The following SH3TC2 variants were observed in gnomAD, a reference collection of about 807,000 sequenced individuals.
SH3TC2 encodes SH3 domain and tetratricopeptide repeat-containing protein 2.
A neutral mutation model predicts 124.5 loss-of-function variants in SH3TC2; 87 were observed. The ratio of observed to expected loss-of-function variants is 0.70; its 90% confidence interval spans 0.59 to 0.84. The LOEUF (loss-of-function observed/expected upper bound fraction) is 0.84, where lower values mean the gene tolerates loss of function less well. Among genes scored for constraint, SH3TC2 ranks in the 40% least tolerant of loss-of-function variants. SH3TC2 has a pLI of 0.00. For synonymous variants in SH3TC2, 634 were observed against 628.5 expected (o/e 1.01, Z -0.13); for missense variants, 1,536 against 1,566.4 (o/e 0.98, Z 0.33).
rs149597102 is a variant in SH3TC2, at chr5:149,036,288, G to A, written c.1001+2007C>T. Among the ~76,000 whole-genome samples, 110 of 152,270 alleles carry A rather than the reference G, an allele frequency of 7.2e-4. 1 individual carries two copies. Among genetic ancestry groups the A allele is most frequent in the Non-Finnish European group, 1.2e-3 (80 of 68,026 alleles). On this transcript the variant is annotated intron_variant, in intron 8 of 16. Transcript: ENST00000515425. The stretch of plus-strand genomic sequence containing the variant: ...CCATGTAGCTACTGTGCTTCCAGAA[G>A]ACCTACCAATGGCCAGTCCCAAAGG...
At position 148,989,736 on chromosome 5, in the gene SH3TC2, C is replaced by A. The variant is rs1356300677; in HGVS notation, c.*14975G>T. ...ACTGGAACCACTCATTCAAGGGGAT[C>A]TGGAGAGTGACCCAGGATAGAGTGA... On this transcript the variant is annotated 3_prime_UTR_variant, in exon 17 of 17. Transcript: ENST00000515425. 6.6e-6 allele frequency among the ~76,000 whole-genome samples: 1 copy of A among 152,172 alleles called. No homozygotes were observed. The highest frequency in any genetic ancestry group is 1.5e-5 in the Non-Finnish European group (1 of 68,030).
In SH3TC2 at chr5:148,982,168, A is replaced by G. The variant is rs1003223689; in HGVS notation, c.*22543T>C. On this transcript the variant is annotated 3_prime_UTR_variant, in exon 17 of 17. Coordinates refer to ENST00000515425, the MANE Select transcript of SH3TC2 (RefSeq NM_024577.4). ...AACAGGATTCCAGTATTTTTTTTTT[A>G]TTTCTGTAGTTTAAATTTTAAAACA... Among the ~76,000 whole-genome samples the G allele has an allele frequency of 7.0e-6, 1 of 143,512 alleles. No homozygotes were observed. The highest frequency in any genetic ancestry group is 1.6e-5 in the Non-Finnish European group (1 of 64,420). The allele number at this position is 143,512 out of a possible 152,430, so 94.1% of individuals were successfully genotyped here.
Position 148,998,639 on chromosome 5 carries a change from C to T in SH3TC2, c.*6072G>A. ...GTACTGGGAAGCCAAGCCAAGCAGC[C>T]CCACTGTGCAGTCCTGGCCACGCAA... On this transcript the variant is annotated 3_prime_UTR_variant, in exon 17 of 17. Transcript: ENST00000515425. 6.6e-6 allele frequency among the ~76,000 whole-genome samples: 1 copy of T among 152,224 alleles called. No homozygotes were observed. The highest frequency in any genetic ancestry group is 3.2e-3 in the Middle Eastern group (1 of 316).
rs138612743 is a variant in SH3TC2, at chr5:149,020,990, C to T, written c.3053+5582G>A. On this transcript the variant is annotated intron_variant, in intron 12 of 16. Coordinates refer to ENST00000515425, the MANE Select transcript of SH3TC2 (RefSeq NM_024577.4). Reference sequence around the variant, plus strand: ...AAACAACAACAGAATACACATTCTTCTCAAGTTTACATTGAACATCCTTCA... The same window carrying T: ...AAACAACAACAGAATACACATTCTTTTCAAGTTTACATTGAACATCCTTCA... Among the ~76,000 whole-genome samples the T allele has an allele frequency of 2.2e-4, 34 of 152,254 alleles. No individual in the cohort carries two copies. In the East Asian group the frequency reaches 6.6e-3, roughly 29 times the overall value.
At chr5:149,009,034 G>T (rs768877252) in intron 14 of SH3TC2, 33 bp from the exon 15 acceptor site, 4 of 1,613,842 alleles carry the variant, frequency 2.5e-6, no homozygotes, top group Non-Finnish European at 3.4e-6. Context: ...CCTTAGTCTA[G>T]CTAGGAATCC....
At position 149,003,627 on chromosome 5, in the gene SH3TC2, C is replaced by T. The variant is rs1224478930; in HGVS notation, c.*1084G>A. ...CCATGAGATTATAAGTGTTTTAGGC[C>T]ACTCAGTGTGCTATGCAGTGATGTT... On this transcript the variant is annotated 3_prime_UTR_variant, in exon 17 of 17. Transcript: ENST00000515425. 1 of 222,196 alleles carries T rather than the reference C, an allele frequency of 4.5e-6. No homozygotes were observed. Among genetic ancestry groups the T allele is most frequent in the Non-Finnish European group, 9.4e-6 (1 of 105,886 alleles). The allele number at this position is 222,196 out of a possible 1,614,324, so 13.8% of individuals were successfully genotyped here.
Position 149,003,935 on chromosome 5 carries a change from GAGAC to G in SH3TC2, c.*772_*775del, listed in dbSNP as rs1753639120. The G allele has an allele frequency of 3.5e-6, 1 of 288,602 alleles. No individual in the cohort carries two copies. The highest frequency in any genetic ancestry group is 4.3e-5 in the Admixed American group (1 of 23,492). 17.9% of individuals were successfully genotyped at this position (288,602 alleles called of 1,614,324 possible). On this transcript the variant is annotated 3_prime_UTR_variant, in exon 17 of 17. Transcript: ENST00000515425. ...CATCTCATCTGCCCCCATTGTGGAT[GAGAC>G]AAAATGTGTGTGTAAATGTAACTGG...
At position 148,992,292 on chromosome 5, in the gene SH3TC2, A is replaced by G. The variant is rs984092840; in HGVS notation, c.*12419T>C. 6.6e-6 allele frequency among the ~76,000 whole-genome samples: 1 copy of G among 152,240 alleles called. No individual in the cohort carries two copies. The highest frequency in any genetic ancestry group is 2.4e-5 in the African/African-American group (1 of 41,464). On this transcript the variant is annotated 3_prime_UTR_variant, in exon 17 of 17. Transcript: ENST00000515425. ...CATAATCCCAAGGTTTATGCTCTTA[A>G]CCATTCATAATATTAATGAAAACAC...
chr5:149,062,155 G>A (rs1754762942), intron 1 of SH3TC2, among the ~76,000 whole-genome samples: 1 of 152,076 alleles, frequency 6.6e-6, no homozygotes, highest in Admixed American at 6.5e-5. Flanking sequence ...ACAAGGGTTA[G>A]GAATGATTCC....
rs1483776790 is a variant in SH3TC2, at chr5:148,984,345, T to G, written c.*20366A>C. Among the ~76,000 whole-genome samples, 1 of 152,024 alleles carries G rather than the reference T, an allele frequency of 6.6e-6. No individual in the cohort carries two copies. Among genetic ancestry groups the G allele is most frequent in the Non-Finnish European group, 1.5e-5 (1 of 68,014 alleles). On this transcript the variant is annotated 3_prime_UTR_variant, in exon 17 of 17. Transcript: ENST00000515425. ...TCTATTGAATTTTTCAGTTTATTCA[T>G]TATACATTATAAATATATACAATTA...
rs138436082 is a variant in SH3TC2, at chr5:149,027,934, C to T, written c.1798G>A (p.Ala600Thr). 6.2e-7 allele frequency: 1 copy of T among 1,614,006 alleles called. No homozygotes were observed. The highest frequency in any genetic ancestry group is 1.3e-5 in the African/African-American group (1 of 74,958). The change falls in exon 11 of 17, where the codon GCC (alanine) becomes ACC (threonine). Residue 600 changes from alanine to threonine, a missense_variant. Ala to Thr is a moderately conservative substitution (Grantham distance 58). This residue lies in a region of SH3TC2 where 1,102 missense variants were observed against 1,098.6 expected (regional missense o/e 1.00). Transcript: ENST00000515425. The stretch of plus-strand genomic sequence containing the variant: ...CTAGACTCACGGTCAGGCAGGCAGG[C>T]CAGCAGGGCACCTGCCTTTTCCAAC... ...ALLEKAGALL[A>T]CLPDRESSAK...
At position 149,027,663 on chromosome 5, in the gene SH3TC2, AC is replaced by A; in HGVS notation, c.2068del (p.Val690TrpfsTer61). ...YDKKYLPHLA[V>X]ASVQQHGIQS... ...GATACCATGTTGCTGGACAGAGGCCACTGCAAGGTGTGGAAGATATTTCTTG... is the reference window on the plus strand; with the variant it reads ...GATACCATGTTGCTGGACAGAGGCCATGCAAGGTGTGGAAGATATTTCTTG... On this transcript the variant is annotated frameshift_variant, in exon 11 of 17. Coordinates refer to ENST00000515425, the MANE Select transcript of SH3TC2 (RefSeq NM_024577.4). LOFTEE classifies it high-confidence loss of function. The A allele has an allele frequency of 1.2e-6, 2 of 1,614,254 alleles. No individual in the cohort carries two copies. Among genetic ancestry groups the A allele is most frequent in the Non-Finnish European group, 1.7e-6 (2 of 1,180,032 alleles).
Position 149,026,644 on chromosome 5 carries a change from A to G in SH3TC2, c.2981T>C (p.Leu994Pro), listed in dbSNP as rs2127396874. Residue 994 changes from leucine (L) to proline (P), a missense_variant, in exon 12 of 17, where the codon CTC becomes CCC. Physicochemically the swap from Leu to Pro is moderately conservative, Grantham distance 98 (BLOSUM62 -3). Coordinates refer to ENST00000515425, the MANE Select transcript of SH3TC2 (RefSeq NM_024577.4). ...HEHWLALAQQ[L>P]RDREMEGRLL... Reference sequence around the variant, plus strand: ...CCTCCCTTCCATCTCCCGGTCCCTGAGTTGCTGAGCCAGGGCCAGCCAGTG... The same window carrying G: ...CCTCCCTTCCATCTCCCGGTCCCTGGGTTGCTGAGCCAGGGCCAGCCAGTG... 1 of 1,614,176 alleles carries G rather than the reference A, an allele frequency of 6.2e-7. No individual in the cohort carries two copies. The highest frequency in any genetic ancestry group is 8.5e-7 in the Non-Finnish European group (1 of 1,180,040).
Position 148,992,797 on chromosome 5 carries a change from C to T in SH3TC2, c.*11914G>A, listed in dbSNP as rs916294382. 5.9e-5 allele frequency among the ~76,000 whole-genome samples: 9 copies of T among 152,096 alleles called. No individual in the cohort carries two copies. Among genetic ancestry groups the T allele is most frequent in the African/African-American group, 1.9e-4 (8 of 41,418 alleles). On this transcript the variant is annotated 3_prime_UTR_variant, in exon 17 of 17. Coordinates refer to ENST00000515425, the MANE Select transcript of SH3TC2 (RefSeq NM_024577.4). ...TGCTCTTTAACTACATCACACTGAG[C>T]TAACTCATCCCTGCAACATGCACCA...
Position 148,984,430 on chromosome 5 carries a change from A to G in SH3TC2, c.*20281T>C. Among the ~76,000 whole-genome samples the G allele has an allele frequency of 6.6e-6, 1 of 152,114 alleles. No individual in the cohort carries two copies. Among genetic ancestry groups the G allele is most frequent in the East Asian group, 1.9e-4 (1 of 5,192 alleles). ...CAAATGCCATATAAATACCAACTCC[A>G]CTTGACTTATAGTGACTTCCTGAAG... On this transcript the variant is annotated 3_prime_UTR_variant, in exon 17 of 17. Coordinates refer to ENST00000515425, the MANE Select transcript of SH3TC2 (RefSeq NM_024577.4).
rs1019905533 is a variant in SH3TC2, at chr5:148,991,863, T to A, written c.*12848A>T. On this transcript the variant is annotated 3_prime_UTR_variant, in exon 17 of 17. Transcript: ENST00000515425. ...TCACATGGGACTTTATCCATGGAGG[T>A]GAGCCTCCTCTTGCACTGGAAGCTG... 6.6e-6 allele frequency among the ~76,000 whole-genome samples: 1 copy of A among 152,130 alleles called. No individual in the cohort carries two copies. The highest frequency in any genetic ancestry group is 1.5e-5 in the Non-Finnish European group (1 of 68,010).
chr5:149,031,308 C>A (rs1317277390), intron 9 of SH3TC2, among the ~76,000 whole-genome samples: 2 of 152,186 alleles, frequency 1.3e-5, no homozygotes, highest in African/African-American at 4.8e-5. Flanking sequence ...TACAGCCAGT[C>A]ACCCACGGTA....
chr5:149,051,061 T>C (rs1396444936), intron 2 of SH3TC2, among the ~76,000 whole-genome samples: 1 of 152,180 alleles, frequency 6.6e-6, no homozygotes, highest in African/African-American at 2.4e-5. Context: ...CAAATTGCCC[T>C]CTAAAATGGT....
rs1753525466 is a variant in SH3TC2 at position 148,997,194 on chromosome 5, T to C, written c.*7517A>G. Reference sequence around the variant, plus strand: ...ACCACCATTGGAGCTACGGGTACTATGATGGGTGAGACCCACGAAACTCCA... The same window carrying C: ...ACCACCATTGGAGCTACGGGTACTACGATGGGTGAGACCCACGAAACTCCA... On this transcript the variant is annotated 3_prime_UTR_variant, in exon 17 of 17. Coordinates refer to ENST00000515425, the MANE Select transcript of SH3TC2 (RefSeq NM_024577.4). 6.6e-6 allele frequency among the ~76,000 whole-genome samples: 1 copy of C among 152,230 alleles called. No individual in the cohort carries two copies. Among genetic ancestry groups the C allele is most frequent in the African/African-American group, 2.4e-5 (1 of 41,464 alleles).
Sources: allele counts gnomAD v4.1 joint callset (sites outside exome capture counted in the v4.1 genomes callset), GRCh38; gene constraint gnomAD v4.1.1; regional missense constraint gnomAD v4.1.1; transcripts MANE v1.5; gene names NCBI Gene and HGNC (gene_info 2026-07-23, HGNC 2026-07-21).